The following STYX variants were observed in gnomAD, a reference collection of about 807,000 sequenced individuals.
STYX encodes the protein serine/threonine/tyrosine-interacting protein.
A neutral mutation model predicts 42.7 loss-of-function variants in STYX; 20 were observed. That is an observed-to-expected ratio of 0.47 (90% CI 0.33 to 0.68). The LOEUF is 0.68. Among genes scored for constraint, STYX ranks in the 30% least tolerant of loss-of-function variants. The pLI, the probability that STYX is intolerant of heterozygous loss-of-function variation, is 0.02. For synonymous variants in STYX, 78 were observed against 81.9 expected, an observed-to-expected ratio of 0.95 and a Z score of 0.26; for missense variants, 226 against 268.5, an observed-to-expected ratio of 0.84 and a Z score of 1.11.
chr14:52,766,381 C>A (rs919868903), intron 9 of STYX, among the ~76,000 whole-genome samples: 1 of 152,136 alleles, frequency 6.6e-6, no homozygotes, highest in Non-Finnish European at 1.5e-5. Flanking sequence ...GTAAGCCAGG[C>A]TGGTCTGGAA....
In STYX at chr14:52,771,058, A is replaced by C; in HGVS notation, c.624A>C (p.Glu208Asp). Residue 208 changes from glutamate to aspartate, a missense_variant, in exon 11 of 11, where the codon GAA becomes GAC. Glu to Asp is a conservative substitution (Grantham distance 45). Transcript: ENST00000354586. The part of the protein sequence containing the change: ...TTGSLKRTHE[E>D]EDDFGTMQVA... ...GCAGTTTGAAGAGAACACATGAAGAAGAGGATGATTTTGGAACCATGCAAG... is the reference window on the plus strand; with the variant it reads ...GCAGTTTGAAGAGAACACATGAAGACGAGGATGATTTTGGAACCATGCAAG... 1 of 1,613,110 alleles carries C rather than the reference A, an allele frequency of 6.2e-7. No individual in the cohort carries two copies. The highest frequency in any genetic ancestry group is 1.7e-4 in the Middle Eastern group (1 of 6,054).
Position 52,772,846 on chromosome 14 carries a change from T to C in STYX, c.*1740T>C, listed in dbSNP as rs1432508749. 1 of 152,066 alleles carries C rather than the reference T, an allele frequency of 6.6e-6. No individual in the cohort carries two copies. The highest frequency in any genetic ancestry group is 1.5e-5 in the Non-Finnish European group (1 of 67,994). 9.4% of individuals were successfully genotyped at this position (152,066 alleles called of 1,614,324 possible). A position where few individuals can be genotyped will look rare whatever the true frequency, so the allele number is the denominator to read the frequency against. ...ATCTTACCACTGTGAAAACAGCATA[T>C]TGTTAATCTCGTTGTCGTCCAGTAT... On this transcript the variant is annotated 3_prime_UTR_variant, in exon 11 of 11. Transcript: ENST00000354586.
At chr14:52,768,793 A>C (rs1405550500) in intron 9 of STYX, 47 bp from the exon 10 acceptor site, 1 of 1,392,044 alleles carries the variant, frequency 7.2e-7, no homozygotes, top group African/African-American at 1.5e-5. Flanking sequence ...TTGGGTATCC[A>C]AGAATGTAAA....
intron 9 of STYX, among the ~76,000 whole-genome samples, chr14:52,763,544 G>A (rs1374004323): frequency 6.6e-6 from 1 of 151,990 alleles, no homozygotes; most frequent in Non-Finnish European, 1.5e-5. Context: ...TTATTTTTAT[G>A]TTATAGCTTG....
intron 2 of STYX, among the ~76,000 whole-genome samples, chr14:52,745,154 C>G (rs1172685820): frequency 7.1e-6 from 1 of 140,268 alleles, no homozygotes; most frequent in Non-Finnish European, 1.5e-5. Flanking sequence ...GAGTTTCGCT[C>G]TTGTTGCCCA....
intron 10 of STYX, among the ~76,000 whole-genome samples, chr14:52,770,085 G>T (rs1459085066): frequency 6.6e-6 from 1 of 152,080 alleles, no homozygotes; most frequent in Non-Finnish European, 1.5e-5. Context: ...TCCTCAGGAA[G>T]ACATGATGAT....
rs1305318952 is a variant in STYX, at chr14:52,771,779, C to T, written c.*673C>T. 2 of 152,122 alleles carry T rather than the reference C, an allele frequency of 1.3e-5. No individual in the cohort carries two copies. The highest frequency in any genetic ancestry group is 2.9e-5 in the Non-Finnish European group (2 of 67,854). 9.4% of individuals were successfully genotyped at this position (152,122 alleles called of 1,614,324 possible). On this transcript the variant is annotated 3_prime_UTR_variant, in exon 11 of 11. Coordinates refer to ENST00000354586, the MANE Select transcript of STYX (RefSeq NM_145251.4). ...TATTGCTTCCTTTCTTATTACTTTCCTAATTTTTCTATATTTTAAAAACTA... is the reference window on the plus strand; with the variant it reads ...TATTGCTTCCTTTCTTATTACTTTCTTAATTTTTCTATATTTTAAAAACTA...
At chr14:52,755,037 T>C (rs1881794397) in intron 4 of STYX, among the ~76,000 whole-genome samples, 1 of 152,202 alleles carries the variant, frequency 6.6e-6, no homozygotes, top group African/African-American at 2.4e-5. Context: ...GATACAGTCA[T>C]TGTCGAAATC....
intron 9 of STYX, among the ~76,000 whole-genome samples, chr14:52,765,573 G>A (rs2139934110): frequency 6.6e-6 from 1 of 152,248 alleles, no homozygotes; most frequent in Non-Finnish European, 1.5e-5. Flanking sequence ...CCCCCCTTAG[G>A]TGAATTGATT....
Position 52,756,563 on chromosome 14 carries a change from G to A in STYX, c.255G>A (p.Leu85=). ...NFQQLFRYLV[L]DIADNPVENI... ...ACTCTATTTTCAGATATTTAGTCCTGGATATTGCAGATAATCCAGTTGAAA... is the reference window on the plus strand; with the variant it reads ...ACTCTATTTTCAGATATTTAGTCCTAGATATTGCAGATAATCCAGTTGAAA... Residue 85 remains leucine (L), a synonymous_variant, in exon 5 of 11, where the codon CTG becomes CTA. Coordinates refer to ENST00000354586, the MANE Select transcript of STYX (RefSeq NM_145251.4). 6.5e-7 allele frequency: 1 copy of A among 1,530,380 alleles called. No individual in the cohort carries two copies. The highest frequency in any genetic ancestry group is 8.9e-7 in the Non-Finnish European group (1 of 1,125,044). 94.8% of individuals were successfully genotyped at this position (1,530,380 alleles called of 1,614,324 possible). A position where few individuals can be genotyped will look rare whatever the true frequency, so the allele number is the denominator to read the frequency against.
intron 1 of STYX, among the ~76,000 whole-genome samples, chr14:52,734,390 T>C (rs1455413640): frequency 6.6e-6 from 1 of 152,178 alleles, no homozygotes; most frequent in African/African-American, 2.4e-5. Context: ...GAACTTCATC[T>C]CCATCCCCTC....
At chr14:52,761,003 T>C (rs1375262849) in intron 9 of STYX, among the ~76,000 whole-genome samples, 1 of 152,180 alleles carries the variant, frequency 6.6e-6, no homozygotes, top group African/African-American at 2.4e-5. Context: ...TAAAATTAAT[T>C]TTTGTATTTG....
chr14:52,732,171 C>T (rs1271882217), intron 1 of STYX, among the ~76,000 whole-genome samples: 3 of 150,414 alleles, frequency 2.0e-5, no homozygotes, highest in African/African-American at 7.4e-5. Context: ...TGTCTCAGCC[C>T]ACCGCAGCCT....
chr14:52,736,971 T>C (rs1389079221), intron 1 of STYX, among the ~76,000 whole-genome samples: 1 of 152,232 alleles, frequency 6.6e-6, no homozygotes, highest in Non-Finnish European at 1.5e-5. Flanking sequence ...ACCTATTTTT[T>C]CTAGGAGAGA....
chr14:52,740,766 A>G (rs1594866255), intron 1 of STYX, among the ~76,000 whole-genome samples: 1 of 152,246 alleles, frequency 6.6e-6, no homozygotes, highest in African/African-American at 2.4e-5. Flanking sequence ...ATCTTTTTTA[A>G]TAAAGGTAAA....
chr14:52,749,306 A>T (rs1338773909), intron 3 of STYX, among the ~76,000 whole-genome samples: 3 of 152,238 alleles, frequency 2.0e-5, no homozygotes, highest in Non-Finnish European at 4.4e-5. Context: ...GGGGGTAAGG[A>T]TTTCAACATA....
At chr14:52,736,822 T>C (rs543460655) in intron 1 of STYX, among the ~76,000 whole-genome samples, 1 of 40,150 alleles carries the variant, frequency 2.5e-5, no homozygotes, top group African/African-American at 9.0e-5. Flanking sequence ...GAAAATATCT[T>C]ACTTGAGTAC....
chr14:52,762,805 T>C (rs1882143227), intron 9 of STYX, among the ~76,000 whole-genome samples: 2 of 151,610 alleles, frequency 1.3e-5, no homozygotes, highest in South Asian at 4.2e-4. Flanking sequence ...ATTTTGACAA[T>C]AGACCAGTTC....
At chr14:52,744,169 T>C (rs1450324411) in intron 1 of STYX, among the ~76,000 whole-genome samples, 1 of 152,236 alleles carries the variant, frequency 6.6e-6, no homozygotes, top group Non-Finnish European at 1.5e-5. Flanking sequence ...ATACTTTTTT[T>C]CTAAGTTTTA....
Sources: allele counts gnomAD v4.1 joint callset (sites outside exome capture counted in the v4.1 genomes callset), GRCh38; gene constraint gnomAD v4.1.1; transcripts MANE v1.5; gene names NCBI Gene and HGNC (gene_info 2026-07-23, HGNC 2026-07-21).